RPAP2: variants seen among roughly 807,000 people sequenced by gnomAD.
The protein encoded by RPAP2 is RNA polymerase II associated protein 2, also known as putative RNA polymerase II subunit B1 CTD phosphatase RPAP2.
Under a neutral mutation model 73.1 loss-of-function variants are expected in RPAP2, and 52 were observed. That is an observed-to-expected ratio of 0.71 (90% CI 0.57 to 0.90). RPAP2 has a LOEUF of 0.90. RPAP2 is among the 40% of genes least tolerant of loss of function. The pLI, the probability that RPAP2 is intolerant of heterozygous loss-of-function variation, is 0.00. For missense variants in RPAP2, 598 were observed against 701.8 expected (o/e 0.85, Z 1.67); for synonymous variants, 225 against 242.1 (o/e 0.93, Z 0.65).
At chr1:92,311,039 C>T (rs1010728675) in intron 6 of RPAP2, among the ~76,000 whole-genome samples, 6 of 152,138 alleles carry the variant, frequency 3.9e-5, no homozygotes, top group Admixed American at 3.9e-4. Flanking sequence ...CAATATTATT[C>T]TTACTACATG....
In RPAP2 at chr1:92,393,687, A is replaced by C. The variant is rs549773874; in HGVS notation, c.*6676A>C. On this transcript the variant is annotated 3_prime_UTR_variant, in exon 13 of 13. Transcript: ENST00000610020. ...CAAAGGATATGAACAGATACTTCTC[A>C]AAAGAAGACATTTATGCAGCCAACA... 1 of 152,374 alleles carries C rather than the reference A, an allele frequency of 6.6e-6. No homozygotes were observed. The highest frequency in any genetic ancestry group is 1.9e-4 in the East Asian group (1 of 5,194). The allele number at this position is 152,374 out of a possible 1,614,324, so 9.4% of individuals were successfully genotyped here. A position where few individuals can be genotyped will look rare whatever the true frequency, so the allele number is the denominator to read the frequency against.
intron 11 of RPAP2, among the ~76,000 whole-genome samples, chr1:92,372,039 CAT>C (rs1655178604): frequency 6.6e-6 from 1 of 151,952 alleles, no homozygotes; most frequent in South Asian, 2.1e-4. Flanking sequence ...TGAGGTAATG[CAT>C]ATGTTAATTA....
At chr1:92,302,024 TA>T (rs1345628382) in intron 3 of RPAP2, among the ~76,000 whole-genome samples, 2 of 152,228 alleles carry the variant, frequency 1.3e-5, no homozygotes, top group Non-Finnish European at 2.9e-5. Flanking sequence ...ATGGCTCATG[TA>T]ATCCCAGCAC....
At chr1:92,357,198 C>A (rs557192504) in intron 11 of RPAP2, among the ~76,000 whole-genome samples, 2 of 152,110 alleles carry the variant, frequency 1.3e-5, no homozygotes, top group East Asian at 1.9e-4. Flanking sequence ...TTAAACAAAT[C>A]CCTTTCCCTC....
chr1:92,386,756 A>G (rs1388679429), intron 12 of RPAP2, among the ~76,000 whole-genome samples: 1 of 152,054 alleles, frequency 6.6e-6, no homozygotes, highest in Non-Finnish European at 1.5e-5. Flanking sequence ...GCTGGAGTGC[A>G]ATGGTGCAAT....
chr1:92,310,317 C>G (rs530510166), intron 6 of RPAP2, among the ~76,000 whole-genome samples: 73 of 152,164 alleles, frequency 4.8e-4, no homozygotes, highest in African/African-American at 1.6e-3. Flanking sequence ...ATCTTTTTAC[C>G]TGTGCCAAGG....
In RPAP2 at chr1:92,345,841, T is replaced by C; in HGVS notation, c.1620-5T>C. The C allele has an allele frequency of 6.5e-7, 1 of 1,543,806 alleles. No individual in the cohort carries two copies. The highest frequency in any genetic ancestry group is 8.9e-7 in the Non-Finnish European group (1 of 1,119,824). Reference sequence around the variant, plus strand: ...CTCCTTGGATAAATTTTATCTATCTTTCAGGTTAACAAATAGAAATATTAT... The same window carrying C: ...CTCCTTGGATAAATTTTATCTATCTCTCAGGTTAACAAATAGAAATATTAT... On this transcript the variant is annotated splice_polypyrimidine_tract_variant and splice_region_variant and intron_variant, in intron 10 of 12. Transcript: ENST00000610020.
Position 92,383,703 on chromosome 1 carries a change from A to G in RPAP2, c.1838+2830A>G, listed in dbSNP as rs374981613. Among the ~76,000 whole-genome samples, 6 of 151,772 alleles carry G rather than the reference A, an allele frequency of 4.0e-5. No individual in the cohort carries two copies. The South Asian group carries it at 6.2e-4, about 16-fold the overall frequency. On this transcript the variant is annotated intron_variant, in intron 12 of 12. Coordinates refer to ENST00000610020, the MANE Select transcript of RPAP2 (RefSeq NM_024813.3). Reference sequence around the variant, plus strand: ...GGTTTTCTAGATATACAATCATGTCATCTGCAAACAGGGACAATTTGACTT... The same window carrying G: ...GGTTTTCTAGATATACAATCATGTCGTCTGCAAACAGGGACAATTTGACTT...
At chr1:92,351,264 G>A (rs1281345957) in intron 11 of RPAP2, among the ~76,000 whole-genome samples, 8 of 130,652 alleles carry the variant, frequency 6.1e-5, no homozygotes, top group South Asian at 2.4e-4. Context: ...CCAAGATTGC[G>A]CCACTGCACT....
intron 11 of RPAP2, among the ~76,000 whole-genome samples, chr1:92,377,520 A>G (rs969691893): frequency 6.9e-6 from 1 of 145,624 alleles, no homozygotes; most frequent in Non-Finnish European, 1.5e-5. Context: ...TTGTCTCAAA[A>G]AAAAAAAAAA....
At chr1:92,310,861 C>T (rs987231192) in intron 6 of RPAP2, among the ~76,000 whole-genome samples, 9 of 152,260 alleles carry the variant, frequency 5.9e-5, no homozygotes, top group East Asian at 3.9e-4. Flanking sequence ...CACACCATTG[C>T]GCTCCAGCCT....
At chr1:92,320,764 C>T (rs1259235192) in intron 7 of RPAP2, 130 bp downstream of exon 7, 1 of 593,616 alleles carries the variant, frequency 1.7e-6, no homozygotes, top group Non-Finnish European at 3.0e-6. Flanking sequence ...TTCTAGCCCA[C>T]ACAAAGAAAT....
intron 6 of RPAP2, among the ~76,000 whole-genome samples, chr1:92,314,902 G>A (rs1010794743): frequency 9.3e-5 from 14 of 151,214 alleles, no homozygotes; most frequent in African/African-American, 2.2e-4. Context: ...AAAATTAACC[G>A]GGCATGGTGG....
intron 8 of RPAP2, 21 bp downstream of exon 8, chr1:92,324,396 GT>G: frequency 4.5e-6 from 7 of 1,557,662 alleles, no homozygotes; most frequent in Non-Finnish European, 6.1e-6. Context: ...CAGACATTGA[GT>G]TTTTCCAGAT....
intron 11 of RPAP2, among the ~76,000 whole-genome samples, chr1:92,373,732 CTAAAAA>C (rs758575674): frequency 8.7e-5 from 3 of 34,632 alleles, no homozygotes; most frequent in African/African-American, 1.2e-4. Context: ...CCCGTCTCTA[CTAAAAA>C]TAAAAAAAAA....
In RPAP2 at chr1:92,323,463, A is replaced by C; in HGVS notation, c.543A>C (p.Glu181Asp). The change falls in exon 8 of 13, where the codon GAA becomes GAC. Residue 181 changes from glutamate (E) to aspartate (D), a missense_variant. By Grantham distance (45) the Glu-to-Asp change is conservative. Coordinates refer to ENST00000610020, the MANE Select transcript of RPAP2 (RefSeq NM_024813.3). ...KEEQSGHSGEEVQLCSKAIKT... is the reference protein window; with the variant it reads ...KEEQSGHSGEDVQLCSKAIKT... Reference sequence around the variant, plus strand: ...TCTACAGTGGCCATTCTGGAGAAGAAGTACAGTTATGCAGTAAAGCCATTA... The same window carrying C: ...TCTACAGTGGCCATTCTGGAGAAGACGTACAGTTATGCAGTAAAGCCATTA... The C allele has an allele frequency of 6.3e-7, 1 of 1,591,700 alleles. No homozygotes were observed. Among genetic ancestry groups the C allele is most frequent in the Non-Finnish European group, 8.6e-7 (1 of 1,167,886 alleles).
At chr1:92,328,718 C>T (rs1203286708) in intron 8 of RPAP2, among the ~76,000 whole-genome samples, 1 of 152,086 alleles carries the variant, frequency 6.6e-6, no homozygotes, top group Non-Finnish European at 1.5e-5. Flanking sequence ...TGTTAAAGAT[C>T]CTTGTTTTGT....
At chr1:92,378,155 TG>T (rs554075940) in intron 11 of RPAP2, among the ~76,000 whole-genome samples, 10 of 152,228 alleles carry the variant, frequency 6.6e-5, no homozygotes, top group Non-Finnish European at 1.2e-4. Context: ...GAAGTCGTTT[TG>T]GATGTGTCAA....
intron 6 of RPAP2, among the ~76,000 whole-genome samples, chr1:92,317,779 C>G (rs986085563): frequency 6.6e-6 from 1 of 152,066 alleles, no homozygotes; most frequent in Non-Finnish European, 1.5e-5. Context: ...TTTAAAGATA[C>G]AATTTTCTTT....
Sources: allele counts gnomAD v4.1 joint callset (sites outside exome capture counted in the v4.1 genomes callset), GRCh38; gene constraint gnomAD v4.1.1; transcripts MANE v1.5; gene names NCBI Gene and HGNC (gene_info 2026-07-23, HGNC 2026-07-21).